Variants in WDFY3 observed in about 807,000 individuals in gnomAD.
WDFY3 encodes the protein WD repeat and FYVE domain containing 3.
Under a neutral mutation model 409.6 loss-of-function variants are expected in WDFY3, and 66 were observed. The observed-to-expected ratio is 0.16, with a 90% confidence interval of 0.13 to 0.20. The LOEUF (loss-of-function observed/expected upper bound fraction) is 0.20. Among genes scored for constraint, WDFY3 ranks in the 10% least tolerant of loss-of-function variants. WDFY3 has a pLI of 1.00. For missense variants in WDFY3, 3,031 were observed against 4,298.1 expected (o/e 0.71, Z 8.24); for synonymous variants, 1,521 against 1,537.1 (o/e 0.99, Z 0.25).
chr4:84,721,344 C>A, intron 47 of WDFY3, 65 bp downstream of exon 47: 1 of 1,577,092 alleles, frequency 6.3e-7, no homozygotes, highest in Admixed American at 1.7e-5. Flanking sequence ...ACCCTATCAA[C>A]TCATCTTGTC....
At chr4:84,779,872 T>G (rs559130247) in intron 26 of WDFY3, among the ~76,000 whole-genome samples, 2 of 152,310 alleles carry the variant, frequency 1.3e-5, no homozygotes, top group East Asian at 3.9e-4. Flanking sequence ...GAAATAATGT[T>G]GCCTAACTCA....
intron 1 of WDFY3, among the ~76,000 whole-genome samples, chr4:84,956,490 T>C (rs1290461419): frequency 1.3e-5 from 2 of 152,234 alleles, no homozygotes; most frequent in Non-Finnish European, 2.9e-5. Context: ...AGTGCCATTA[T>C]CAATAGGCAC....
At chr4:84,797,794 A>C (rs192927911) in intron 18 of WDFY3, among the ~76,000 whole-genome samples, 105 of 151,932 alleles carry the variant, frequency 6.9e-4, no homozygotes, top group African/African-American at 2.5e-3. Flanking sequence ...CATGGTCTCG[A>C]ACTCCCGACC....
intron 8 of WDFY3, among the ~76,000 whole-genome samples, chr4:84,830,926 C>T (rs1036570878): frequency 6.6e-5 from 10 of 152,130 alleles, no homozygotes; most frequent in Non-Finnish European, 1.0e-4. Context: ...CAGTGGCTGA[C>T]GCCTGTAATC....
intron 3 of WDFY3, 83 bp from the exon 4 acceptor site, chr4:84,860,705 A>G (rs1760485490): frequency 8.4e-7 from 1 of 1,188,642 alleles, no homozygotes; most frequent in African/African-American, 1.6e-5. Context: ...CTTATAAGAA[A>G]TTTGCAAAAT....
At chr4:84,961,053 A>G (rs1006414415) in intron 1 of WDFY3, among the ~76,000 whole-genome samples, 3 of 151,966 alleles carry the variant, frequency 2.0e-5, no homozygotes, top group Non-Finnish European at 4.4e-5. Flanking sequence ...TGTCTCTACT[A>G]AAAATGCAAA....
chr4:84,859,945 T>G (rs890144893), intron 4 of WDFY3, among the ~76,000 whole-genome samples: 1 of 152,200 alleles, frequency 6.6e-6, no homozygotes, highest in Non-Finnish European at 1.5e-5. Context: ...ATGAAAACAT[T>G]AACTCTATTT....
chr4:84,829,175 G>A lies in WDFY3; in HGVS notation c.785C>T (p.Ser262Phe). Reference sequence around the variant, plus strand: ...TTGCTGCATATTCTGAACACATGTAGATAAACACTCTTTCTCTGTAAGAAT... The same window carrying A: ...TTGCTGCATATTCTGAACACATGTAAATAAACACTCTTTCTCTGTAAGAAT... Reference protein sequence around the residue: ...VKYIHEKECLSTCVQNMQQSD... With the variant: ...VKYIHEKECLFTCVQNMQQSD... Residue 262 changes from serine (S) to phenylalanine (F), a missense_variant, in exon 9 of 68, where the codon TCT (serine) becomes TTT (phenylalanine). This residue lies in a region of WDFY3 where 1,322 missense variants were observed against 1,697.9 expected (regional missense o/e 0.78). Transcript: ENST00000295888. The A allele has an allele frequency of 6.3e-7, 1 of 1,581,576 alleles. No individual in the cohort carries two copies. Among genetic ancestry groups the A allele is most frequent in the Non-Finnish European group, 8.6e-7 (1 of 1,162,204 alleles).
rs1457004963 is a variant in WDFY3 at position 84,783,052 on chromosome 4, T to C, written c.4085A>G (p.Asn1362Ser). The C allele has an allele frequency of 2.5e-6, 4 of 1,614,064 alleles. No homozygotes were observed. Among genetic ancestry groups the C allele is most frequent in the Non-Finnish European group, 3.4e-6 (4 of 1,179,978 alleles). The change falls in exon 25 of 68, where the codon AAT becomes AGT. Residue 1362 changes from asparagine (N) to serine (S), a missense_variant. Asn to Ser is a conservative substitution (Grantham distance 46, BLOSUM62 1). This residue lies in a region of WDFY3 where 1,322 missense variants were observed against 1,697.9 expected (regional missense o/e 0.78). Transcript: ENST00000295888. Reference sequence around the variant, plus strand: ...GTGTATCAACTTCACAGGAGTGGCATTCTCATGTGAGGAAATGCCTAACTG... The same window carrying C: ...GTGTATCAACTTCACAGGAGTGGCACTCTCATGTGAGGAAATGCCTAACTG... ...AKQLGISSHE[N>S]ATPVKLIHNS...
chr4:84,713,741 G>T (rs970312080), intron 50 of WDFY3, among the ~76,000 whole-genome samples: 4 of 152,162 alleles, frequency 2.6e-5, no homozygotes, highest in Admixed American at 2.0e-4. Flanking sequence ...CATCTACATG[G>T]TTAGTTCAGA....
intron 4 of WDFY3, among the ~76,000 whole-genome samples, chr4:84,858,998 A>C (rs971299473): frequency 6.6e-6 from 1 of 151,980 alleles, no homozygotes; most frequent in Non-Finnish European, 1.5e-5. Context: ...AGGAAGAAAG[A>C]AATGGAAACA....
chr4:84,782,603 G>C (rs1383732928), intron 25 of WDFY3, among the ~76,000 whole-genome samples: 1 of 152,100 alleles, frequency 6.6e-6, no homozygotes, highest in East Asian at 1.9e-4. Context: ...TGTTCTCATT[G>C]TTCAGCTCCC....
chr4:84,690,399 A>G (rs959798053), intron 61 of WDFY3, 107 bp downstream of exon 61: 2 of 1,501,984 alleles, frequency 1.3e-6, no homozygotes, highest in Non-Finnish European at 9.1e-7. Context: ...GGTTTTGTCC[A>G]TTAGATCTGA....
intron 2 of WDFY3, among the ~76,000 whole-genome samples, chr4:84,915,832 T>C (rs1319561416): frequency 6.6e-6 from 1 of 152,184 alleles, no homozygotes; most frequent in Non-Finnish European, 1.5e-5. Flanking sequence ...GTTTTAATTA[T>C]ACACACATAC....
intron 3 of WDFY3, among the ~76,000 whole-genome samples, chr4:84,877,034 C>T (rs1762881054): frequency 6.6e-6 from 1 of 152,208 alleles, no homozygotes; most frequent in African/African-American, 2.4e-5. Flanking sequence ...AATCCTTTAA[C>T]ATATAGCTAA....
chr4:84,867,792 A>G (rs961523545), intron 3 of WDFY3, among the ~76,000 whole-genome samples: 5 of 152,334 alleles, frequency 3.3e-5, no homozygotes, highest in African/African-American at 1.2e-4. Flanking sequence ...ATATAAGCGA[A>G]GAAACAAAAC....
chr4:84,923,914 C>A (rs922589482), intron 2 of WDFY3, among the ~76,000 whole-genome samples: 3 of 152,028 alleles, frequency 2.0e-5, no homozygotes, highest in Non-Finnish European at 2.9e-5. Flanking sequence ...GTGGGAGAAT[C>A]GATAGAGCCC....
chr4:84,698,055 G>A (rs1278744460), intron 56 of WDFY3, among the ~76,000 whole-genome samples: 1 of 152,024 alleles, frequency 6.6e-6, no homozygotes, highest in Non-Finnish European at 1.5e-5. Context: ...CACACTGCAC[G>A]CTGTCTGTTG....
chr4:84,961,453 A>C (rs1172151658), intron 1 of WDFY3, among the ~76,000 whole-genome samples: 1 of 152,052 alleles, frequency 6.6e-6, no homozygotes, highest in East Asian at 1.9e-4. Context: ...TAATTTTCTA[A>C]ACAAAGCTTT....
Sources: allele counts gnomAD v4.1 joint callset (sites outside exome capture counted in the v4.1 genomes callset), GRCh38; gene constraint gnomAD v4.1.1; regional missense constraint gnomAD v4.1.1; transcripts MANE v1.5; gene names NCBI Gene and HGNC (gene_info 2026-07-23, HGNC 2026-07-21).